Variants in HEMGN observed in about 807,000 individuals in gnomAD.
HEMGN encodes the protein hemogen, also known as erythroid differentiation-associated gene protein.
Under a neutral mutation model 45.7 loss-of-function variants are expected in HEMGN, and 32 were observed. That is an observed-to-expected ratio of 0.70 (90% CI 0.53 to 0.94). The LOEUF (loss-of-function observed/expected upper bound fraction) is 0.94, where lower values mean the gene tolerates loss of function less well. Among genes scored for constraint, HEMGN ranks in the 40% least tolerant of loss-of-function variants. HEMGN has a pLI of 0.00. For synonymous variants in HEMGN, 183 were observed against 178.6 expected (o/e 1.02, Z -0.20); for missense variants, 530 against 564.2 (o/e 0.94, Z 0.61).
chr9:97,934,928 G>GTT (rs1178745247), intron 2 of HEMGN, among the ~76,000 whole-genome samples: 2 of 152,158 alleles, frequency 1.3e-5, no homozygotes, highest in African/African-American at 4.8e-5. Context: ...CGGGGTTGCC[G>GTT]TTAAGTTGGG....
At chr9:97,934,435 AGGGGGAGGGGAGGGGAG>A (rs1265866329) in intron 2 of HEMGN, among the ~76,000 whole-genome samples, 154 of 48,260 alleles carry the variant, frequency 3.2e-3, no homozygotes, top group African/African-American at 0.012. Context: ...GGGGGAGAGG[AGGGGGAGGGGAGGGGAG>A]GGGGGAGGGG....
chr9:97,942,870 G>A (rs575866537), upstream of HEMGN, among the ~76,000 whole-genome samples: 31 of 152,304 alleles, frequency 2.0e-4, no homozygotes, highest in Admixed American at 1.4e-3. Context: ...CAAAGCTAAC[G>A]CCATTTAAGG....
At chr9:97,935,774 A>G (rs1185423903) in intron 2 of HEMGN, among the ~76,000 whole-genome samples, 1 of 152,242 alleles carries the variant, frequency 6.6e-6, no homozygotes, top group Non-Finnish European at 1.5e-5. Flanking sequence ...ACACTCATTC[A>G]GTAAAGATTT....
chr9:97,941,989 A>G (rs1049347529), upstream of HEMGN, among the ~76,000 whole-genome samples: 3 of 152,218 alleles, frequency 2.0e-5, no homozygotes, highest in African/African-American at 7.2e-5. Context: ...AACCAGCTAT[A>G]TAATTTTTGG....
chr9:97,940,921 A>G (rs574569088), upstream of HEMGN, among the ~76,000 whole-genome samples: 2 of 152,220 alleles, frequency 1.3e-5, no homozygotes, highest in East Asian at 1.9e-4. Context: ...AATAATAGCA[A>G]TATCATCATC....
upstream of HEMGN, among the ~76,000 whole-genome samples, chr9:97,940,924 T>C (rs907571652): frequency 1.3e-5 from 2 of 152,136 alleles, no homozygotes; most frequent in Non-Finnish European, 2.9e-5. Context: ...AATAGCAATA[T>C]CATCATCTGT....
At chr9:97,940,973 C>T (rs111731400), upstream of HEMGN, among the ~76,000 whole-genome samples, 2,020 of 152,172 alleles carry the variant, frequency 0.013, 37 homozygotes, top group African/African-American at 0.046. Context: ...CTGTGCCCAG[C>T]GCAGTCCTAT....
chr9:97,930,332 C>G lies in HEMGN; in HGVS notation c.1063G>C (p.Glu355Gln), dbSNP rs1380105140. Residue 355 changes from glutamate to glutamine, a missense_variant, in exon 3 of 4, where the codon GAA (glutamate) becomes CAA (glutamine). By Grantham distance (29) the Glu-to-Gln change is conservative. Transcript: ENST00000616898. ...GACCCAGGAGTTTCTTGGTTTATTT[C>G]AATTGAATAGTCTTCAGAATGAGGT... ...ETPHSEDYSI[E>Q]INQETPGSEK... is the part of the protein sequence containing the mutation. 1 of 1,613,574 alleles carries G rather than the reference C, an allele frequency of 6.2e-7. No individual in the cohort carries two copies. The highest frequency in any genetic ancestry group is 2.2e-5 in the East Asian group (1 of 44,878).
chr9:97,942,093 G>A (rs1382895455), upstream of HEMGN, among the ~76,000 whole-genome samples: 2 of 152,096 alleles, frequency 1.3e-5, no homozygotes, highest in Non-Finnish European at 2.9e-5. Flanking sequence ...CCTAGCAAGT[G>A]TTTCACAAGT....
rs767265129 is a variant in HEMGN at position 97,931,178 on chromosome 9, G to C, written c.217C>G (p.Arg73Gly). ...RKQQRTGKGN[R>G]RGRKRQQNTE... ...TTTTGTTGTCTCTTTCTGCCTCTTCGATTTCCTTTTCCTGTTCTCTGCTGC... is the reference window on the plus strand; with the variant it reads ...TTTTGTTGTCTCTTTCTGCCTCTTCCATTTCCTTTTCCTGTTCTCTGCTGC... Residue 73 changes from arginine (R) to glycine (G), a missense_variant, in exon 3 of 4, where the codon CGA becomes GGA. By Grantham distance (125) the Arg-to-Gly change is moderately radical. Coordinates refer to ENST00000616898, the MANE Select transcript of HEMGN (RefSeq NM_197978.3). 3.5e-5 allele frequency: 57 copies of C among 1,611,714 alleles called. No homozygotes were observed. Among genetic ancestry groups the C allele is most frequent in the Non-Finnish European group, 4.7e-5 (56 of 1,179,578 alleles).
chr9:97,942,364 C>G (rs902524439), upstream of HEMGN, among the ~76,000 whole-genome samples: 1 of 150,710 alleles, frequency 6.6e-6, no homozygotes, highest in Non-Finnish European at 1.5e-5. Context: ...TTCACTGCAG[C>G]CTCTACCTCC....
intron 1 of HEMGN, 53 bp from the exon 2 acceptor site, chr9:97,936,317 G>A (rs1827060177): frequency 1.0e-5 from 13 of 1,251,058 alleles, no homozygotes; most frequent in Non-Finnish European, 1.5e-5. Flanking sequence ...GTGTCTATCA[G>A]CAAAAGTCCT....
chr9:97,934,115 G>T (rs557921535), intron 2 of HEMGN, among the ~76,000 whole-genome samples: 1 of 152,332 alleles, frequency 6.6e-6, no homozygotes, highest in Non-Finnish European at 1.5e-5. Flanking sequence ...GGGAGGCCAA[G>T]GTGGGCGAAT....
intron 3 of HEMGN, among the ~76,000 whole-genome samples, chr9:97,928,871 A>G (rs1356354897): frequency 6.6e-6 from 1 of 152,232 alleles, no homozygotes; most frequent in Non-Finnish European, 1.5e-5. Context: ...AAATGAAAAC[A>G]AAAACAAGTT....
intron 2 of HEMGN, among the ~76,000 whole-genome samples, chr9:97,934,452 G>T (rs1272156684): frequency 9.8e-6 from 1 of 101,796 alleles, no homozygotes; most frequent in Admixed American, 1.0e-4. Context: ...GGGGAGGGGA[G>T]GGGGGAGGGG....
chr9:97,926,973 A>G lies in HEMGN; in HGVS notation c.*411T>C, dbSNP rs764367786. The G allele has an allele frequency of 6.5e-6, 1 of 153,000 alleles. No individual in the cohort carries two copies. 9.5% of individuals were successfully genotyped at this position (153,000 alleles called of 1,614,324 possible). On this transcript the variant is annotated 3_prime_UTR_variant, in exon 4 of 4. Transcript: ENST00000616898. ...AAAGCCTGAATAAAATTTTGATGCT[A>G]CTGTTACATTAATAATTGAACAGCA...
chr9:97,927,892 TAAAA>T (rs1826859732), intron 3 of HEMGN, among the ~76,000 whole-genome samples: 2 of 152,226 alleles, frequency 1.3e-5, no homozygotes, highest in South Asian at 4.1e-4. Context: ...AGGCAATTCT[TAAAA>T]AATTATATTT....
upstream of HEMGN, among the ~76,000 whole-genome samples, chr9:97,943,057 G>A (rs561766261): frequency 1.3e-5 from 2 of 152,072 alleles, no homozygotes; most frequent in Non-Finnish European, 2.9e-5. Flanking sequence ...GGTAACTTGG[G>A]GAAAATCACT....
chr9:97,928,760 C>A (rs1826883670), intron 3 of HEMGN, among the ~76,000 whole-genome samples: 1 of 152,144 alleles, frequency 6.6e-6, no homozygotes, highest in Non-Finnish European at 1.5e-5. Flanking sequence ...TGGCAGTAAC[C>A]TAAGTGTTCA....
Sources: allele counts gnomAD v4.1 joint callset (sites outside exome capture counted in the v4.1 genomes callset), GRCh38; gene constraint gnomAD v4.1.1; transcripts MANE v1.5; gene names NCBI Gene and HGNC (gene_info 2026-07-23, HGNC 2026-07-21).